The following TACC2 variants were observed in gnomAD, a reference collection of about 807,000 sequenced individuals.
The protein encoded by TACC2 is transforming acidic coiled-coil containing protein 2.
In TACC2, 137 loss-of-function variants were observed where a neutral mutation model predicts 227.3. That is an observed-to-expected ratio of 0.60 (90% confidence interval 0.52 to 0.69). TACC2 has a LOEUF of 0.69. TACC2 is among the 30% of genes least tolerant of loss of function. The probability of loss-of-function intolerance (pLI) is 0.00; values close to 1 mark genes in which losing one functional copy is unlikely to be tolerated. For missense variants in TACC2, 3,470 were observed against 3,694.4 expected (o/e 0.94, Z 1.57); for synonymous variants, 1,523 against 1,487.5 (o/e 1.02, Z -0.55).
At chr10:122,097,261 C>T (rs557889324) in intron 5 of TACC2, among the ~76,000 whole-genome samples, 46 of 152,068 alleles carry the variant, frequency 3.0e-4, no homozygotes, top group African/African-American at 8.9e-4. Flanking sequence ...CCCAGGAGGT[C>T]GAGGCTGCAG....
At position 122,085,936 on chromosome 10, in the gene TACC2, G is replaced by GT; in HGVS notation, c.3436_3437insT (p.Ala1146ValfsTer18). On this transcript the variant is annotated frameshift_variant, in exon 4 of 23. Coordinates refer to ENST00000369005, the MANE Select transcript of TACC2 (RefSeq NM_206862.4). LOFTEE classifies it high-confidence loss of function. The stretch of plus-strand genomic sequence containing the variant: ...TGCAGGAGACCCAGGAAAGCAGCAG[G>GT]CTCCGGAGAAACCTGGAGAAGCTAC... 6.2e-7 allele frequency: 1 copy of GT among 1,613,514 alleles called. No homozygotes were observed.
At chr10:122,239,392 G>A (rs773230255) in intron 18 of TACC2, among the ~76,000 whole-genome samples, 6 of 152,268 alleles carry the variant, frequency 3.9e-5, no homozygotes, top group Admixed American at 6.5e-5. Context: ...ATCATATCCC[G>A]TTTTCTAGGT....
In TACC2 at chr10:122,050,764, A is replaced by AAAGAT. The variant is rs1264234495; in HGVS notation, c.146+215_146+219dup. The AAAGAT allele has an allele frequency of 5.6e-6, 3 of 533,804 alleles. No homozygotes were observed. The highest frequency in any genetic ancestry group is 1.0e-5 in the Non-Finnish European group (3 of 299,952). 33.1% of individuals were successfully genotyped at this position (533,804 alleles called of 1,614,324 possible). Reference sequence around the variant, plus strand: ...AAAAATTCATCCTGATTGCCTGCCCAAAGATGAAATTAGTAATTATAGACT... The same window carrying AAAGAT: ...AAAAATTCATCCTGATTGCCTGCCCAAAGATAAGATGAAATTAGTAATTATAGACT... On this transcript the variant is annotated intron_variant, in intron 3 of 22. Coordinates refer to ENST00000369005, the MANE Select transcript of TACC2 (RefSeq NM_206862.4). This position sits in a 1 kb window ranked among gnomAD's most constrained non-coding sequence, Gnocchi z 4.6.
intron 17 of TACC2, 25 bp from the exon 18 acceptor site, chr10:122,237,936 T>C (rs1180173509): frequency 2.5e-6 from 4 of 1,586,852 alleles, no homozygotes; most frequent in Non-Finnish European, 3.5e-6. Flanking sequence ...GGGGCTAACC[T>C]TTCTCTTCTT....
chr10:122,081,363 CA>C (rs71976086), intron 3 of TACC2, among the ~76,000 whole-genome samples: 25 of 138,784 alleles, frequency 1.8e-4, no homozygotes, highest in Middle Eastern at 3.8e-3. Flanking sequence ...ACTAAAACTA[CA>C]AAAAAAAAAA....
rs747306614 is a variant in TACC2, at chr10:122,083,824, A to G, written c.1324A>G (p.Arg442Gly). 19 of 1,614,210 alleles carry G rather than the reference A, an allele frequency of 1.2e-5. No homozygotes were observed. Among genetic ancestry groups the G allele is most frequent in the Non-Finnish European group, 1.6e-5 (19 of 1,180,034 alleles). Residue 442 changes from arginine (R) to glycine (G), a missense_variant, in exon 4 of 23, where the codon AGG (arginine) becomes GGG (glycine). Arg to Gly is a moderately radical substitution (Grantham distance 125). Around this residue, in one of 10 missense-constraint regions of TACC2, gnomAD observed 1,924 missense variants for 1,978.3 expected, o/e 0.97. Transcript: ENST00000369005. Reference sequence around the variant, plus strand: ...TGTAGAAGAACCTGGATCATCATCCAGGGAATCAGTTTCCAAGGCTGGGAT... The same window carrying G: ...TGTAGAAGAACCTGGATCATCATCCGGGGAATCAGTTTCCAAGGCTGGGAT... ...IAVEEPGSSS[R>G]ESVSKAGMPV... is the part of the protein sequence containing the mutation.
Position 122,210,412 on chromosome 10 carries a change from C to A in TACC2, c.5987C>A (p.Thr1996Lys). Residue 1996 changes from threonine (T) to lysine (K), a missense_variant, in exon 9 of 23, where the codon ACA becomes AAA. By Grantham distance (78) the Thr-to-Lys change is moderately conservative. Around this residue, in one of 10 missense-constraint regions of TACC2, gnomAD observed 593 missense variants for 636.6 expected, o/e 0.93. Transcript: ENST00000369005. The surrounding 1 kb of genome is among the most constrained non-coding windows in gnomAD (Gnocchi z 4.6). ...PPEEPGCGSE[T>K]VPVPDGPRSD... ...GTTTCCCCAGGATGTGGTTCTGAGA[C>A]AGTCCCTGTCCCTGATGGCCCACGG... The A allele has an allele frequency of 6.2e-7, 1 of 1,613,988 alleles. No individual in the cohort carries two copies. The highest frequency in any genetic ancestry group is 1.1e-5 in the South Asian group (1 of 91,054).
intron 8 of TACC2, among the ~76,000 whole-genome samples, chr10:122,207,651 G>T (rs557242021): frequency 3.3e-5 from 5 of 152,334 alleles, no homozygotes; most frequent in African/African-American, 9.6e-5. Context: ...GCAAGATTAG[G>T]TTTCCTGGTT....
rs77167803 is a variant in TACC2 at position 122,160,863 on chromosome 10, A to G, written c.5834+17157A>G. On this transcript the variant is annotated intron_variant, in intron 7 of 22. Coordinates refer to ENST00000369005, the MANE Select transcript of TACC2 (RefSeq NM_206862.4). ...CAATGAGGGTCTGAGAGACTCTTCC[A>G]TAAATAATTTACACAAACTAATCAT... Among the ~76,000 whole-genome samples, 981 of 152,350 alleles carry G rather than the reference A, an allele frequency of 6.4e-3. 31 individuals are homozygous for G. The East Asian group carries it at 0.092, about 14-fold the overall frequency.
intron 1 of TACC2, among the ~76,000 whole-genome samples, chr10:122,021,698 G>A (rs1272620709): frequency 1.3e-5 from 2 of 152,120 alleles, no homozygotes; most frequent in Non-Finnish European, 2.9e-5. Context: ...TAACAAACCC[G>A]TTTTTCAGAA....
At chr10:122,135,854 T>C (rs908430368) in intron 6 of TACC2, among the ~76,000 whole-genome samples, 4 of 152,216 alleles carry the variant, frequency 2.6e-5, no homozygotes, top group Non-Finnish European at 5.9e-5. Flanking sequence ...ACAAGTGTCC[T>C]TACGTGGCAT....
rs968275200 is a variant in TACC2, at chr10:122,194,437, G to A, written c.5835-603G>A. On this transcript the variant is annotated intron_variant, in intron 7 of 22. Coordinates refer to ENST00000369005, the MANE Select transcript of TACC2 (RefSeq NM_206862.4). This position sits in a 1 kb window ranked among gnomAD's most constrained non-coding sequence, Gnocchi z 4.4. ...GGTCTGATGCACCCTCTGCCTGGCC[G>A]GCTTGCTGGCTTCCTTCGTTCACTC... Among the ~76,000 whole-genome samples the A allele has an allele frequency of 2.0e-5, 3 of 152,180 alleles. No homozygotes were observed. Among genetic ancestry groups the A allele is most frequent in the African/African-American group, 4.8e-5 (2 of 41,444 alleles).
In TACC2 at chr10:122,103,776, G is replaced by A. The variant is rs527278375; in HGVS notation, c.5573+15185G>A. ...AGCTGAGGGAGGCTGGCCTGGAGGC[G>A]GGGGTCTTGTCTTGCAGGAGAGAGG... On this transcript the variant is annotated intron_variant, in intron 5 of 22. Coordinates refer to ENST00000369005, the MANE Select transcript of TACC2 (RefSeq NM_206862.4). Among the ~76,000 whole-genome samples the A allele has an allele frequency of 6.6e-4, 101 of 152,140 alleles. 1 individual carries two copies. Among genetic ancestry groups the A allele is most frequent in the Admixed American group, 2.3e-3 (35 of 15,282 alleles).
intron 6 of TACC2, 64 bp downstream of exon 6, chr10:122,132,798 C>T: frequency 6.4e-7 from 1 of 1,569,050 alleles, no homozygotes; most frequent in Non-Finnish European, 8.7e-7. Flanking sequence ...GCTGCCTTCC[C>T]CCGCTCCCCT....
At chr10:122,116,263 ATG>A (rs1177454312) in intron 5 of TACC2, among the ~76,000 whole-genome samples, 1 of 152,152 alleles carries the variant, frequency 6.6e-6, no homozygotes, top group African/African-American at 2.4e-5. Flanking sequence ...GTCATTTCAG[ATG>A]TGTTGAGTGT....
At chr10:122,149,922 G>A (rs2091855699) in intron 7 of TACC2, among the ~76,000 whole-genome samples, 1 of 152,206 alleles carries the variant, frequency 6.6e-6, no homozygotes, top group Non-Finnish European at 1.5e-5. Context: ...GCTGAGCCAC[G>A]TCACCGGCCG....
intron 5 of TACC2, among the ~76,000 whole-genome samples, chr10:122,112,071 T>G (rs1365622439): frequency 6.6e-6 from 1 of 152,198 alleles, no homozygotes; most frequent in Non-Finnish European, 1.5e-5. Context: ...TCTGTTTCTT[T>G]AAGAGGAGGA....
chr10:122,083,190 T>G lies in TACC2; in HGVS notation c.690T>G (p.Ala230=), dbSNP rs747068095. Reference sequence around the variant, plus strand: ...GTTTTGAGTCCCAAGAGAAAGAGGCTGCAGGTGGCTTTCCCCCTGCAGAGT... The same window carrying G: ...GTTTTGAGTCCCAAGAGAAAGAGGCGGCAGGTGGCTTTCCCCCTGCAGAGT... ...PGGFESQEKE[A]AGGFPPAESR... Residue 230 remains alanine (A), a synonymous_variant, in exon 4 of 23, where the codon GCT becomes GCG. Coordinates refer to ENST00000369005, the MANE Select transcript of TACC2 (RefSeq NM_206862.4). 1 of 1,613,410 alleles carries G rather than the reference T, an allele frequency of 6.2e-7. No homozygotes were observed. Among genetic ancestry groups the G allele is most frequent in the Admixed American group, 1.7e-5 (1 of 60,014 alleles).
intron 8 of TACC2, among the ~76,000 whole-genome samples, chr10:122,201,344 A>G (rs11817142): frequency 0.57 from 78,177 of 136,010 alleles, 20,917 homozygotes; most frequent in Middle Eastern, 0.67. Context: ...TGGGGAAGAC[A>G]GCCACCTCAC....
Sources: gnomAD v4.1 joint callset for allele counts (sites outside exome capture counted in the v4.1 genomes callset) on GRCh38, gnomAD v4.1.1 for gene constraint, gnomAD v4.1.1 regional missense constraint, Gnocchi (gnomAD v3.1) non-coding constraint, MANE v1.5 for transcripts, NCBI Gene and HGNC (gene_info 2026-07-23, HGNC 2026-07-21) for gene names.